The following MLIP variants were observed in gnomAD, a reference collection of about 807,000 sequenced individuals.
MLIP encodes muscular LMNA interacting protein, also known as muscular LMNA-interacting protein.
A neutral mutation model predicts 84.8 loss-of-function variants in MLIP; 79 were observed. The observed-to-expected ratio is 0.93, with a 90% CI of 0.78 to 1.12. The LOEUF is 1.12. MLIP is among the 50% of genes most tolerant of loss of function. MLIP has a pLI of 0.00. For synonymous variants in MLIP, 504 were observed against 463.0 expected (o/e 1.09, Z -1.14); for missense variants, 1,257 against 1,160.6 (o/e 1.08, Z -1.21).
intron 2 of MLIP, among the ~76,000 whole-genome samples, chr6:54,122,300 T>C (rs1188870378): frequency 6.6e-6 from 1 of 152,086 alleles, no homozygotes; most frequent in Non-Finnish European, 1.5e-5. Context: ...CCATGGAAAA[T>C]GTTAACCTTA....
At chr6:54,246,836 T>C (rs1472881553) in intron 12 of MLIP, among the ~76,000 whole-genome samples, 1 of 152,158 alleles carries the variant, frequency 6.6e-6, no homozygotes, top group African/African-American at 2.4e-5. Flanking sequence ...GTCCCTTCCA[T>C]TGCCTCCCAT....
intron 3 of MLIP, among the ~76,000 whole-genome samples, chr6:54,130,041 G>T (rs1437972213): frequency 6.6e-6 from 1 of 152,066 alleles, no homozygotes; most frequent in Non-Finnish European, 1.5e-5. Flanking sequence ...CTTAGGGTGA[G>T]TACATGATTC....
rs180879775 is a variant in MLIP, at chr6:54,195,511, A to G, written c.2589+5597A>G. 2.0e-3 allele frequency among the ~76,000 whole-genome samples: 304 copies of G among 152,230 alleles called. 1 individual carries two copies. Among genetic ancestry groups the G allele is most frequent in the Non-Finnish European group, 3.9e-3 (262 of 67,990 alleles). On this transcript the variant is annotated intron_variant, in intron 10 of 13. Transcript: ENST00000502396. Reference sequence around the variant, plus strand: ...ATGGATTCTCTAGGTCAGCGCTGGTAGTTAATCTCCAACTTTGGTCTCTAG... The same window carrying G: ...ATGGATTCTCTAGGTCAGCGCTGGTGGTTAATCTCCAACTTTGGTCTCTAG...
chr6:54,155,426 T>G (rs1367856605), intron 5 of MLIP, among the ~76,000 whole-genome samples: 1 of 152,144 alleles, frequency 6.6e-6, no homozygotes, highest in Admixed American at 6.6e-5. Flanking sequence ...GGGGGATTGA[T>G]TTGATCGTTA....
At chr6:54,099,362 A>G (rs935030487) in intron 1 of MLIP, among the ~76,000 whole-genome samples, 4 of 152,156 alleles carry the variant, frequency 2.6e-5, no homozygotes, top group African/African-American at 9.7e-5. Context: ...TTTAATAACT[A>G]TGCACTGAAA....
intron 11 of MLIP, among the ~76,000 whole-genome samples, chr6:54,219,346 TC>T: frequency 2.7e-5 from 4 of 146,794 alleles, no homozygotes; most frequent in African/African-American, 7.5e-5. Context: ...GGATTTTTTT[TC>T]TTTTTTTTTT....
At chr6:54,231,936 A>C (rs932855843) in intron 12 of MLIP, among the ~76,000 whole-genome samples, 2 of 152,146 alleles carry the variant, frequency 1.3e-5, no homozygotes, top group African/African-American at 4.8e-5. Context: ...AGGAAAAATT[A>C]GATTTTTATA....
intron 1 of MLIP, among the ~76,000 whole-genome samples, chr6:54,094,603 T>TA (rs1175046028): frequency 2.6e-5 from 4 of 151,944 alleles, no homozygotes; most frequent in East Asian, 3.9e-4. Flanking sequence ...TTTTTTTTTT[T>TA]AATTTACAAA....
At position 54,169,579 on chromosome 6, in the gene MLIP, A is replaced by G. The variant is rs1332565367; in HGVS notation, c.2544+7A>G. The G allele has an allele frequency of 2.5e-6, 4 of 1,581,424 alleles. No individual in the cohort carries two copies. In the African/African-American group the frequency reaches 4.1e-5, roughly 16 times the overall value. On this transcript the variant is annotated splice_region_variant and intron_variant, in intron 9 of 13. Coordinates refer to ENST00000502396, the MANE Select transcript of MLIP (RefSeq NM_001281747.2). ...TGGTCGAGAAACCAAATATGTAAGTACCTTTATAATTATACACACTGCTTT... is the reference window on the plus strand; with the variant it reads ...TGGTCGAGAAACCAAATATGTAAGTGCCTTTATAATTATACACACTGCTTT...
At chr6:54,111,360 C>G, upstream of MLIP, 9 of 1,442,514 alleles carry the variant, frequency 6.2e-6, no homozygotes, top group African/African-American at 1.4e-5. Context: ...TTTGGAATGA[C>G]TCTGCTTTAC....
Position 54,137,118 on chromosome 6 carries a change from C to T in MLIP, c.1049C>T (p.Pro350Leu), listed in dbSNP as rs916951533. Residue 350 changes from proline (P) to leucine (L), a missense_variant, in exon 4 of 14, where the codon CCG (proline) becomes CTG (leucine). Transcript: ENST00000502396. ...AGTCCGAGAACCTCTTCTTCTCCACCGTCCTCCAGTGCTTCTCTGAAGTCG... is the reference window on the plus strand; with the variant it reads ...AGTCCGAGAACCTCTTCTTCTCCACTGTCCTCCAGTGCTTCTCTGAAGTCG... ...GESPRTSSSP[P>L]SSSASLKSNS... The T allele has an allele frequency of 3.9e-6, 6 of 1,536,086 alleles. No homozygotes were observed. The Admixed American group carries it at 5.9e-5, about 15-fold the overall frequency.
chr6:54,258,348 C>T (rs959648922), intron 13 of MLIP, among the ~76,000 whole-genome samples: 1 of 152,068 alleles, frequency 6.6e-6, no homozygotes, highest in Admixed American at 6.6e-5. Flanking sequence ...CCTATTTCTG[C>T]AAATTTAAAA....
intron 10 of MLIP, among the ~76,000 whole-genome samples, chr6:54,191,440 A>G (rs1220407608): frequency 1.3e-5 from 2 of 152,164 alleles, no homozygotes; most frequent in South Asian, 4.1e-4. Context: ...ATGTGTGTGC[A>G]TTAGTGTCAA....
chr6:54,252,364 T>TACTA (rs1455377578), intron 12 of MLIP, among the ~76,000 whole-genome samples: 1 of 114,488 alleles, frequency 8.7e-6, no homozygotes, highest in Non-Finnish European at 1.6e-5. Flanking sequence ...ATATACCATA[T>TACTA]ACTATATAAC....
At chr6:54,129,765 G>T (rs978630299) in intron 3 of MLIP, among the ~76,000 whole-genome samples, 1 of 152,136 alleles carries the variant, frequency 6.6e-6, no homozygotes, top group Non-Finnish European at 1.5e-5. Context: ...AGTGTTCATG[G>T]CCATCAGCTG....
At chr6:54,087,992 C>T (rs1177758942) in intron 1 of MLIP, among the ~76,000 whole-genome samples, 1 of 152,082 alleles carries the variant, frequency 6.6e-6, no homozygotes, top group Admixed American at 6.6e-5. Flanking sequence ...AGTTACTGAG[C>T]TAAACAGCTT....
intron 11 of MLIP, among the ~76,000 whole-genome samples, chr6:54,226,877 G>T (rs1053913493): frequency 6.6e-6 from 1 of 152,172 alleles, no homozygotes; most frequent in African/African-American, 2.4e-5. Flanking sequence ...CTAACTCATC[G>T]CAGTTTGTCT....
At chr6:54,178,388 T>A (rs1378850607) in intron 9 of MLIP, among the ~76,000 whole-genome samples, 1 of 152,134 alleles carries the variant, frequency 6.6e-6, no homozygotes, top group African/African-American at 2.4e-5. Context: ...ATCTTTTGAA[T>A]TGCTTTCTTT....
chr6:54,045,470 C>T (rs1477309435), intron 1 of MLIP: 4 of 152,086 alleles, frequency 2.6e-5, no homozygotes, highest in African/African-American at 9.7e-5. Flanking sequence ...TGTGAGTCGT[C>T]GTGACTTTTA....
Sources: allele counts gnomAD v4.1 joint callset (sites outside exome capture counted in the v4.1 genomes callset), GRCh38; gene constraint gnomAD v4.1.1; transcripts MANE v1.5; gene names NCBI Gene and HGNC (gene_info 2026-07-23, HGNC 2026-07-21).